Variants in GALNT14 observed in about 807,000 individuals in gnomAD.
The protein encoded by GALNT14 is polypeptide N-acetylgalactosaminyltransferase 14, also known as UDP-GalNAc:polypeptide N-acetylgalactosaminyltransferase 14.
Under a neutral mutation model 77.5 loss-of-function variants are expected in GALNT14, and 60 were observed. That is an observed-to-expected ratio of 0.77 (90% CI 0.63 to 0.96). The LOEUF is 0.96. Ranked by LOEUF, GALNT14 falls within the 40% of genes least tolerant of loss-of-function variation. The pLI is 0.00. For missense variants in GALNT14, 710 were observed against 731.0 expected (o/e 0.97, Z 0.33); for synonymous variants, 280 against 281.7 (o/e 0.99, Z 0.06).
intron 2 of GALNT14, among the ~76,000 whole-genome samples, chr2:30,989,603 TATATAAAA>T (rs1431953660): frequency 7.1e-6 from 1 of 140,024 alleles, no homozygotes; most frequent in African/African-American, 2.6e-5. Flanking sequence ...TATTAGTAGA[TATATAAAA>T]ATATATATTA....
At chr2:30,924,425 G>T in intron 12 of GALNT14, 162 bp from the exon 13 acceptor site, 1 of 723,476 alleles carries the variant, frequency 1.4e-6, no homozygotes. Context: ...GAATGAGGTG[G>T]CAAGGAAAGA....
At chr2:31,131,144 C>G (rs1450083319) in intron 1 of GALNT14, among the ~76,000 whole-genome samples, 4 of 152,072 alleles carry the variant, frequency 2.6e-5, no homozygotes, top group African/African-American at 9.7e-5. Context: ...TGCCAGTGGC[C>G]ACACTGGCTG....
At chr2:30,893,233 G>C in the GALNT14 span, among the ~76,000 whole-genome samples, 2 of 152,138 alleles carry the variant, frequency 1.3e-5, no homozygotes, top group African/African-American at 4.8e-5. Context: ...AATAACACTG[G>C]AACATTTGAT....
chr2:31,126,301 C>T (rs1678696139), intron 1 of GALNT14, among the ~76,000 whole-genome samples: 1 of 152,166 alleles, frequency 6.6e-6, no homozygotes, highest in Non-Finnish European at 1.5e-5. Flanking sequence ...CTTTCACAGA[C>T]TCAACGTGGC....
chr2:30,899,898 G>A, the GALNT14 span, among the ~76,000 whole-genome samples: 5 of 152,302 alleles, frequency 3.3e-5, no homozygotes, highest in Admixed American at 6.5e-5. Flanking sequence ...GTGGGGCGTC[G>A]CAGAGGTCAC....
intron 1 of GALNT14, among the ~76,000 whole-genome samples, chr2:31,053,570 G>A (rs936334964): frequency 1.3e-5 from 2 of 152,064 alleles, no homozygotes; most frequent in Non-Finnish European, 2.9e-5. Flanking sequence ...ATGCAACCAG[G>A]GACCATGCCA....
chr2:31,106,903 AG>A (rs1391974259), intron 1 of GALNT14, among the ~76,000 whole-genome samples: 7 of 152,184 alleles, frequency 4.6e-5, no homozygotes, highest in African/African-American at 1.7e-4. Flanking sequence ...GGCCCAGGGT[AG>A]ACTTTCATTA....
At chr2:31,129,501 T>C (rs549554574) in intron 1 of GALNT14, 252 of 985,474 alleles carry the variant, frequency 2.6e-4, no homozygotes, top group African/African-American at 9.2e-4. Flanking sequence ...CAGCCATCAA[T>C]TGGCCATCTA....
At chr2:30,944,302 T>A (rs1175776272) in intron 8 of GALNT14, among the ~76,000 whole-genome samples, 2 of 152,128 alleles carry the variant, frequency 1.3e-5, no homozygotes, top group Non-Finnish European at 2.9e-5. Context: ...ATGCTGTGGG[T>A]CACAGTGGGG....
chr2:31,060,000 G>A (rs1179085299), intron 1 of GALNT14, among the ~76,000 whole-genome samples: 1 of 152,160 alleles, frequency 6.6e-6, no homozygotes, highest in Non-Finnish European at 1.5e-5. Context: ...TGAATGTTTA[G>A]TATTTACACC....
chr2:31,122,226 G>A (rs548047504), intron 1 of GALNT14, among the ~76,000 whole-genome samples: 5 of 152,180 alleles, frequency 3.3e-5, no homozygotes, highest in African/African-American at 9.7e-5. Flanking sequence ...CCACTAGCCC[G>A]GGATAAGCAG....
At chr2:31,047,955 A>G (rs1447584963) in intron 1 of GALNT14, among the ~76,000 whole-genome samples, 1 of 152,228 alleles carries the variant, frequency 6.6e-6, no homozygotes, top group Non-Finnish European at 1.5e-5. Flanking sequence ...CAATGCCGGT[A>G]CCCAGCCTGT....
chr2:31,065,991 C>G (rs1476968694), intron 1 of GALNT14, among the ~76,000 whole-genome samples: 1 of 152,222 alleles, frequency 6.6e-6, no homozygotes. Flanking sequence ...CCGCCCCACC[C>G]TCTTCCTACC....
intron 1 of GALNT14, among the ~76,000 whole-genome samples, chr2:31,002,204 C>T (rs1402921715): frequency 1.3e-5 from 2 of 151,970 alleles, no homozygotes; most frequent in African/African-American, 4.8e-5. Context: ...CTGAGGTGGG[C>T]GGATTACTTG....
intron 11 of GALNT14, 83 bp from the exon 12 acceptor site, chr2:30,924,906 A>AGAACACAAAGCG: frequency 9.0e-7 from 1 of 1,115,406 alleles, no homozygotes; most frequent in Non-Finnish European, 1.3e-6. Flanking sequence ...GTCCAGACTG[A>AGAACACAAAGCG]GAACACAAAG....
chr2:30,898,049 G>T, the GALNT14 span, among the ~76,000 whole-genome samples: 1 of 152,176 alleles, frequency 6.6e-6, no homozygotes, highest in Non-Finnish European at 1.5e-5. Context: ...CAAGGTGAGG[G>T]TGTTAAGGAG....
At chr2:31,014,756 T>C (rs1239872465) in intron 1 of GALNT14, among the ~76,000 whole-genome samples, 1 of 152,138 alleles carries the variant, frequency 6.6e-6, no homozygotes, top group East Asian at 1.9e-4. Flanking sequence ...GAGTCAATGA[T>C]CCCTAAAGCA....
intron 9 of GALNT14, 93 bp from the exon 10 acceptor site, chr2:30,932,287 A>G: frequency 8.0e-7 from 1 of 1,244,146 alleles, no homozygotes; most frequent in Non-Finnish European, 1.1e-6. Context: ...GCCCCCGCAG[A>G]GGCGAAAGAA....
intron 1 of GALNT14, among the ~76,000 whole-genome samples, chr2:31,074,856 C>T (rs1675660480): frequency 6.6e-6 from 1 of 152,098 alleles, no homozygotes; most frequent in African/African-American, 2.4e-5. Flanking sequence ...GCCATGGATA[C>T]TGAGAAGAAT....
Sources: gnomAD v4.1 joint callset for allele counts (sites outside exome capture counted in the v4.1 genomes callset) on GRCh38, gnomAD v4.1.1 for gene constraint, MANE v1.5 for transcripts, NCBI Gene and HGNC (gene_info 2026-07-23, HGNC 2026-07-21) for gene names.